The following LRFN2 variants were observed in gnomAD, a reference collection of about 807,000 sequenced individuals.
LRFN2 encodes the protein leucine rich repeat and fibronectin type III domain containing 2, also known as leucine-rich repeat and fibronectin type-III domain-containing protein 2.
In LRFN2, 18 loss-of-function variants were observed where a neutral mutation model predicts 37.3. The ratio of observed to expected loss-of-function variants is 0.48; its 90% confidence interval spans 0.33 to 0.72. The LOEUF is 0.72. Among genes scored for constraint, LRFN2 ranks in the 30% least tolerant of loss-of-function variants. The probability of loss-of-function intolerance (pLI) is 0.02; values close to 1 mark genes in which losing one functional copy is unlikely to be tolerated. For missense variants in LRFN2, 1,006 were observed against 1,060.7 expected (o/e 0.95, Z 0.72); for synonymous variants, 556 against 466.6 (o/e 1.19, Z -2.47).
At position 40,392,686 on chromosome 6, in the gene LRFN2, C is replaced by T. The variant is rs752963608; in HGVS notation, c.1627G>A (p.Val543Met). The T allele has an allele frequency of 2.5e-6, 4 of 1,614,030 alleles. No homozygotes were observed. The highest frequency in any genetic ancestry group is 3.4e-6 in the Non-Finnish European group (4 of 1,180,020). ...TMILVIGGII[V>M]ATLLVFIVIL... ...ACGATGAAGACCAGCAGCGTGGCCA[C>T]GATGATGCCCCCGATGACCAGGATC... The change falls in exon 3 of 3, where the codon GTG becomes ATG. Residue 543 changes from valine to methionine, a missense_variant. Physicochemically the swap from Val to Met is conservative, Grantham distance 21. Coordinates refer to ENST00000338305, the MANE Select transcript of LRFN2 (RefSeq NM_020737.3). This position sits in a 1 kb window ranked among gnomAD's most constrained non-coding sequence, Gnocchi z 4.7.
chr6:40,580,871 G>GAAT (rs1767384714), intron 1 of LRFN2, among the ~76,000 whole-genome samples: 2 of 152,216 alleles, frequency 1.3e-5, no homozygotes, highest in African/African-American at 4.8e-5. Flanking sequence ...ACAAGTGTGA[G>GAAT]TATTTGGGAG....
intron 2 of LRFN2, chr6:40,407,733 A>C (rs1309431438): frequency 6.6e-6 from 1 of 152,348 alleles, no homozygotes; most frequent in African/African-American, 2.4e-5. Context: ...GCAGACACCA[A>C]GTAAACACCA....
intron 2 of LRFN2, among the ~76,000 whole-genome samples, chr6:40,394,620 A>G (rs1169384433): frequency 6.6e-6 from 1 of 152,068 alleles, no homozygotes; most frequent in African/African-American, 2.4e-5. Flanking sequence ...GGGAAGCCAC[A>G]CTGGAGGAAA....
At chr6:40,534,614 A>G (rs1210392925) in intron 1 of LRFN2, among the ~76,000 whole-genome samples, 1 of 152,124 alleles carries the variant, frequency 6.6e-6, no homozygotes, top group Non-Finnish European at 1.5e-5. Flanking sequence ...TTTCATAAAG[A>G]TTTTATGAGA....
At chr6:40,475,391 G>A (rs967678280) in intron 1 of LRFN2, among the ~76,000 whole-genome samples, 11 of 151,824 alleles carry the variant, frequency 7.2e-5, no homozygotes, top group East Asian at 1.9e-4. Flanking sequence ...GACAAGCACC[G>A]TCTGTATGAT....
At chr6:40,518,972 TG>T (rs1332543315) in intron 1 of LRFN2, among the ~76,000 whole-genome samples, 1 of 151,798 alleles carries the variant, frequency 6.6e-6, no homozygotes, top group African/African-American at 2.4e-5. Context: ...GCACGTTCAG[TG>T]GGGGCTGAAC....
At chr6:40,444,680 T>C (rs1763924926) in intron 1 of LRFN2, among the ~76,000 whole-genome samples, 1 of 152,110 alleles carries the variant, frequency 6.6e-6, no homozygotes, top group South Asian at 2.1e-4. Context: ...CTCAGACTCC[T>C]CATCTGGGCA....
intron 1 of LRFN2, among the ~76,000 whole-genome samples, chr6:40,496,283 C>T (rs1340167828): frequency 6.6e-6 from 1 of 152,126 alleles, no homozygotes; most frequent in Non-Finnish European, 1.5e-5. Context: ...GTCATTCTGG[C>T]CCACCTCCAA....
chr6:40,537,026 G>A (rs966177005), intron 1 of LRFN2, among the ~76,000 whole-genome samples: 25 of 152,206 alleles, frequency 1.6e-4, no homozygotes, highest in East Asian at 3.9e-4. Context: ...ACTGAGGCAC[G>A]GAGGGTTGAC....
At chr6:40,504,472 G>T (rs189358424) in intron 1 of LRFN2, among the ~76,000 whole-genome samples, 5 of 152,164 alleles carry the variant, frequency 3.3e-5, no homozygotes, top group Admixed American at 3.3e-4. Context: ...TCATACTAAA[G>T]AAGTGGGCGT....
chr6:40,560,613 T>C (rs568661606), intron 1 of LRFN2, among the ~76,000 whole-genome samples: 46 of 152,310 alleles, frequency 3.0e-4, no homozygotes, highest in South Asian at 1.2e-3. Context: ...ATCACTCAGA[T>C]TGGTGTTTAT....
At chr6:40,560,513 C>T (rs758402443) in intron 1 of LRFN2, among the ~76,000 whole-genome samples, 1 of 152,172 alleles carries the variant, frequency 6.6e-6, no homozygotes, top group Admixed American at 6.5e-5. Flanking sequence ...TGGCCTGCTG[C>T]TGTTTGAAAT....
At chr6:40,542,762 T>C (rs2113917187) in intron 1 of LRFN2, among the ~76,000 whole-genome samples, 1 of 152,336 alleles carries the variant, frequency 6.6e-6, no homozygotes, top group East Asian at 1.9e-4. Context: ...AGCCAGAATG[T>C]GGGTCCCTCA....
At chr6:40,428,179 T>C (rs550629757) in intron 2 of LRFN2, among the ~76,000 whole-genome samples, 12 of 152,362 alleles carry the variant, frequency 7.9e-5, no homozygotes, top group African/African-American at 2.6e-4. Context: ...TGTACTATTA[T>C]TGCTGCTGTT....
chr6:40,457,610 G>A (rs552763816), intron 1 of LRFN2, among the ~76,000 whole-genome samples: 4 of 129,842 alleles, frequency 3.1e-5, no homozygotes, highest in African/African-American at 8.7e-5. Context: ...CTGCACTCCA[G>A]CCTAGGCAAC....
chr6:40,475,499 G>A (rs1764689931), intron 1 of LRFN2, among the ~76,000 whole-genome samples: 2 of 152,160 alleles, frequency 1.3e-5, no homozygotes, highest in Non-Finnish European at 2.9e-5. Flanking sequence ...GTGTGCTCAA[G>A]GGGTGCACAG....
intron 1 of LRFN2, among the ~76,000 whole-genome samples, chr6:40,524,844 C>A (rs1766202332): frequency 6.6e-6 from 1 of 152,208 alleles, no homozygotes; most frequent in Admixed American, 6.5e-5. Flanking sequence ...ACCCTTGCCT[C>A]AGGAAACTGA....
At chr6:40,541,351 C>A (rs1282348925) in intron 1 of LRFN2, among the ~76,000 whole-genome samples, 2 of 152,294 alleles carry the variant, frequency 1.3e-5, no homozygotes, top group East Asian at 3.9e-4. Context: ...TCACATTCCC[C>A]AAGAGGACCT....
At chr6:40,535,630 C>G (rs1766435147) in intron 1 of LRFN2, among the ~76,000 whole-genome samples, 1 of 152,184 alleles carries the variant, frequency 6.6e-6, no homozygotes, top group South Asian at 2.1e-4. Context: ...CAGGCACCCT[C>G]CTCCTGCCCT....
Sources: gnomAD v4.1 joint callset for allele counts (sites outside exome capture counted in the v4.1 genomes callset) on GRCh38, gnomAD v4.1.1 for gene constraint, Gnocchi (gnomAD v3.1) non-coding constraint, MANE v1.5 for transcripts, NCBI Gene and HGNC (gene_info 2026-07-23, HGNC 2026-07-21) for gene names.